ARHGEF7: variants seen among roughly 807,000 people sequenced by gnomAD.
The protein encoded by ARHGEF7 is Rho guanine nucleotide exchange factor 7, also known as PAK-interacting exchange factor beta.
In ARHGEF7, 33 loss-of-function variants were observed where a neutral mutation model predicts 109.8. The ratio of observed to expected loss-of-function variants is 0.30; its 90% confidence interval spans 0.23 to 0.40. The LOEUF (loss-of-function observed/expected upper bound fraction) is 0.40, where lower values mean the gene tolerates loss of function less well. ARHGEF7 is among the 10% of genes least tolerant of loss of function. The pLI, the probability that ARHGEF7 is intolerant of heterozygous loss-of-function variation, is 1.00. For missense variants in ARHGEF7, 938 were observed against 1,098.5 expected (o/e 0.85, Z 2.07); for synonymous variants, 458 against 424.6 (o/e 1.08, Z -0.97).
chr13:111,228,704 G>C lies in ARHGEF7; in HGVS notation c.671-4501G>C, dbSNP rs72653526. On this transcript the variant is annotated intron_variant, in intron 5 of 21. Transcript: ENST00000646102. This position sits in a 1 kb window ranked among gnomAD's most constrained non-coding sequence, Gnocchi z 4.6. The stretch of plus-strand genomic sequence containing the variant: ...ATGTGGTTCAGGAAAGCGGCAGGCA[G>C]ACACTGCTGAGCACGGGCAGACACA... Among the ~76,000 whole-genome samples, 3,472 of 152,226 alleles carry C rather than the reference G, an allele frequency of 0.023. 71 individuals carry two copies. The highest frequency in any genetic ancestry group is 0.11 in the Middle Eastern group (32 of 294).
chr13:111,123,104 T>G (rs1436414070), intron 1 of ARHGEF7, among the ~76,000 whole-genome samples: 2 of 152,230 alleles, frequency 1.3e-5, no homozygotes, highest in Non-Finnish European at 2.9e-5. Flanking sequence ...GGTAGGAGTC[T>G]GCTTCCTCAC....
Position 111,272,331 on chromosome 13 carries a change from G to A in ARHGEF7, c.1074-1483G>A, listed in dbSNP as rs567017204. Among the ~76,000 whole-genome samples the A allele has an allele frequency of 2.6e-5, 4 of 152,266 alleles. No individual in the cohort carries two copies. The highest frequency in any genetic ancestry group is 2.1e-4 in the South Asian group (1 of 4,814). On this transcript the variant is annotated intron_variant, in intron 9 of 21. Transcript: ENST00000646102. This position sits in a 1 kb window ranked among gnomAD's most constrained non-coding sequence, Gnocchi z 5.2. ...CCAAAACACTGTCTGTCTTTTCCCC[G>A]GGAGCCCTTGATGGTTCTGGTGTCC...
intron 1 of ARHGEF7, among the ~76,000 whole-genome samples, 177 bp downstream of exon 1, chr13:111,115,868 T>C (rs2066709069): frequency 8.2e-6 from 1 of 122,226 alleles, no homozygotes; most frequent in African/African-American, 3.0e-5. Context: ...GGCGCCATTG[T>C]GTGCGGGGCA....
chr13:111,257,404 A>G (rs1173757344), intron 8 of ARHGEF7, among the ~76,000 whole-genome samples: 3 of 152,264 alleles, frequency 2.0e-5, no homozygotes, highest in Non-Finnish European at 2.9e-5. Flanking sequence ...TAGTGTATCA[A>G]AGAAAATATC....
intron 3 of ARHGEF7, among the ~76,000 whole-genome samples, chr13:111,209,008 C>A (rs756297184): frequency 9.9e-5 from 15 of 152,106 alleles, no homozygotes; most frequent in Non-Finnish European, 4.4e-5. Context: ...TCAGACTTTT[C>A]GATGTTGACC....
intron 12 of ARHGEF7, 188 bp downstream of exon 12, chr13:111,275,866 G>A (rs569664935): frequency 3.0e-6 from 2 of 675,238 alleles, no homozygotes; most frequent in East Asian, 3.1e-5. Flanking sequence ...TTAGAGCTGA[G>A]TGTGGACTTG....
chr13:111,125,628 G>T (rs1217850932), intron 1 of ARHGEF7, among the ~76,000 whole-genome samples: 1 of 152,166 alleles, frequency 6.6e-6, no homozygotes, highest in African/African-American at 2.4e-5. Flanking sequence ...GCCTGGTTTT[G>T]ATTATTTGTA....
chr13:111,206,744 G>A (rs937448411), intron 3 of ARHGEF7, among the ~76,000 whole-genome samples: 1 of 151,920 alleles, frequency 6.6e-6, no homozygotes, highest in African/African-American at 2.4e-5. Context: ...GGCGGATCAC[G>A]AGGTCAGGAG....
At chr13:111,195,827 C>G (rs928835252) in intron 2 of ARHGEF7, among the ~76,000 whole-genome samples, 2 of 152,206 alleles carry the variant, frequency 1.3e-5, no homozygotes, top group Admixed American at 1.3e-4. Flanking sequence ...TTTCTGTCTT[C>G]TCTGAACCAC....
At position 111,291,067 on chromosome 13, in the gene ARHGEF7, C is replaced by T. The variant is rs139326907; in HGVS notation, c.2135-1051C>T. Among the ~76,000 whole-genome samples the T allele has an allele frequency of 3.6e-4, 55 of 152,322 alleles. No individual in the cohort carries two copies. The East Asian group carries it at 9.6e-3, about 27-fold the overall frequency. On this transcript the variant is annotated intron_variant, in intron 18 of 21. Coordinates refer to ENST00000646102, the MANE Select transcript of ARHGEF7 (RefSeq NM_001354046.2). ...ATTGATTTCTAACTCCAGGAAGTAA[C>T]GGCCCTCACAGTCTGTTATGATGTA...
At position 111,284,211 on chromosome 13, in the gene ARHGEF7, C is replaced by CA. The variant is rs1407466388; in HGVS notation, c.1950+849dup. Among the ~76,000 whole-genome samples, 14 of 152,280 alleles carry CA rather than the reference C, an allele frequency of 9.2e-5. 1 individual carries two copies. In the South Asian group the frequency reaches 2.9e-3, roughly 32 times the overall value. On this transcript the variant is annotated intron_variant, in intron 16 of 21. Coordinates refer to ENST00000646102, the MANE Select transcript of ARHGEF7 (RefSeq NM_001354046.2). ...GTGTGAGTGAGCGTGAGGATGGTGACACGCTCTTGCCTGGCATTGTGCCTC... is the reference window on the plus strand; with the variant it reads ...GTGTGAGTGAGCGTGAGGATGGTGACAACGCTCTTGCCTGGCATTGTGCCTC...
chr13:111,147,668 A>G (rs551955773), intron 1 of ARHGEF7, among the ~76,000 whole-genome samples: 1 of 134,374 alleles, frequency 7.4e-6, no homozygotes, highest in Non-Finnish European at 1.6e-5. Flanking sequence ...TTGCCTCTTC[A>G]CCCTTCCAAC....
At chr13:111,184,360 T>C (rs73633289) in intron 2 of ARHGEF7, among the ~76,000 whole-genome samples, 3,575 of 152,240 alleles carry the variant, frequency 0.023, 130 homozygotes, top group African/African-American at 0.082. Flanking sequence ...ATTGTTGAAG[T>C]TTTTTGACCT....
At chr13:111,121,698 G>A (rs976101949) in intron 1 of ARHGEF7, among the ~76,000 whole-genome samples, 2 of 152,184 alleles carry the variant, frequency 1.3e-5, no homozygotes, top group Admixed American at 6.5e-5. Context: ...GGCATCCCCC[G>A]AACCCACGGG....
intron 4 of ARHGEF7, 35 bp downstream of exon 4, chr13:111,210,037 TG>T: frequency 1.2e-6 from 2 of 1,613,782 alleles, no homozygotes; most frequent in Non-Finnish European, 1.7e-6. Flanking sequence ...TAAATATGTT[TG>T]GGAAGGATAT....
intron 1 of ARHGEF7, among the ~76,000 whole-genome samples, chr13:111,140,711 A>G (rs1453962955): frequency 1.3e-5 from 2 of 152,044 alleles, no homozygotes; most frequent in Non-Finnish European, 2.9e-5. Context: ...TTGCTTTTTT[A>G]GAGGCAGGGT....
chr13:111,129,340 A>G (rs934831897), intron 1 of ARHGEF7, among the ~76,000 whole-genome samples: 1 of 152,208 alleles, frequency 6.6e-6, no homozygotes, highest in Non-Finnish European at 1.5e-5. Flanking sequence ...CATGATCCAT[A>G]GAAGAAAGAA....
At chr13:111,187,901 A>T (rs1566752050) in intron 2 of ARHGEF7, among the ~76,000 whole-genome samples, 1 of 152,194 alleles carries the variant, frequency 6.6e-6, no homozygotes, top group African/African-American at 2.4e-5. Flanking sequence ...GCACTCTGAG[A>T]GTGGGTGGAT....
chr13:111,273,071 A>G lies in ARHGEF7; in HGVS notation c.1074-743A>G, dbSNP rs527879195. 5.3e-5 allele frequency among the ~76,000 whole-genome samples: 8 copies of G among 152,240 alleles called. No individual in the cohort carries two copies. In the South Asian group the frequency reaches 1.2e-3, roughly 24 times the overall value. On this transcript the variant is annotated intron_variant, in intron 9 of 21. Coordinates refer to ENST00000646102, the MANE Select transcript of ARHGEF7 (RefSeq NM_001354046.2). This position sits in a 1 kb window ranked among gnomAD's most constrained non-coding sequence, Gnocchi z 4.5. ...TTGTTTCTGACTCTTTAATTTTGGGATATGCACTGTTTCTATGTCCATACA... is the reference window on the plus strand; with the variant it reads ...TTGTTTCTGACTCTTTAATTTTGGGGTATGCACTGTTTCTATGTCCATACA...
Sources: allele counts gnomAD v4.1 joint callset (sites outside exome capture counted in the v4.1 genomes callset), GRCh38; gene constraint gnomAD v4.1.1; non-coding constraint Gnocchi (gnomAD v3.1); transcripts MANE v1.5; gene names NCBI Gene and HGNC (gene_info 2026-07-23, HGNC 2026-07-21).